Variants in DNAH5 observed in about 807,000 individuals in gnomAD.
The protein encoded by DNAH5 is axonemal beta dynein heavy chain 5.
Under a neutral mutation model 518.2 loss-of-function variants are expected in DNAH5, and 372 were observed. The ratio of observed to expected loss-of-function variants is 0.72; its 90% CI spans 0.66 to 0.78. The LOEUF (loss-of-function observed/expected upper bound fraction) is 0.78, where lower values mean the gene tolerates loss of function less well. Ranked by LOEUF, DNAH5 falls within the 30% of genes least tolerant of loss-of-function variation. The pLI, the probability that DNAH5 is intolerant of heterozygous loss-of-function variation, is 0.00. For synonymous variants in DNAH5, 2,039 were observed against 2,025.9 expected (o/e 1.01, Z -0.17); for missense variants, 5,523 against 5,687.0 (o/e 0.97, Z 0.93).
chr5:13,736,653 C>CTGACCTCAGATGATCTGCCCATG (rs1205875679), intron 66 of DNAH5, among the ~76,000 whole-genome samples: 1 of 152,154 alleles, frequency 6.6e-6, no homozygotes, highest in East Asian at 1.9e-4. Flanking sequence ...TCTCACACTC[C>CTGACCTCAGATGATCTGCCCATG]TGACCTCAGA....
chr5:13,753,689 T>C, intron 62 of DNAH5, 140 bp from the exon 63 acceptor site: 1 of 800,108 alleles, frequency 1.2e-6, no homozygotes, highest in Middle Eastern at 3.6e-4. Context: ...CACAAGTGGC[T>C]GTGCTGGTGA....
rs748817131 is a variant in DNAH5, at chr5:13,717,462, G to T, written c.12558C>A (p.Tyr4186Ter). 6.2e-7 allele frequency: 1 copy of T among 1,614,046 alleles called. No homozygotes were observed. Among genetic ancestry groups the T allele is most frequent in the African/African-American group, 1.3e-5 (1 of 74,940 alleles). ...SSGSQWKPML[Y>*]AVAFLHSTVQ... ...CAGTGGAGTGCAGGAAAGCCACTGC[G>T]TACAGCATGGGCTTCCACTGGGACC... Residue 4186 changes from tyrosine to a stop codon, truncating the protein, a stop_gained, in exon 73 of 79, where the codon TAC becomes TAA. Coordinates refer to ENST00000265104, the MANE Select transcript of DNAH5 (RefSeq NM_001369.3). LOFTEE classifies it high-confidence loss of function.
intron 59 of DNAH5, 30 bp downstream of exon 59, chr5:13,765,946 C>G: frequency 6.2e-7 from 1 of 1,605,596 alleles, no homozygotes; most frequent in Non-Finnish European, 8.5e-7. Context: ...AATGAGTTCC[C>G]TCTTAGCCCA....
intron 78 of DNAH5, among the ~76,000 whole-genome samples, chr5:13,694,823 A>G (rs1479740193): frequency 1.3e-5 from 2 of 152,230 alleles, no homozygotes; most frequent in African/African-American, 4.8e-5. Context: ...CAATCCTTTA[A>G]AAACCATGTG....
intron 58 of DNAH5, among the ~76,000 whole-genome samples, chr5:13,766,453 C>T (rs1194393674): frequency 6.6e-6 from 1 of 152,022 alleles, no homozygotes; most frequent in Non-Finnish European, 1.5e-5. Context: ...TGGCTTTGTG[C>T]CAGAAAAAAG....
intron 47 of DNAH5, among the ~76,000 whole-genome samples, chr5:13,801,027 AC>A (rs1231711832): frequency 1.3e-5 from 2 of 152,130 alleles, no homozygotes; most frequent in Non-Finnish European, 1.5e-5. Context: ...AATACAAGAA[AC>A]CTGGAGTCAT....
intron 13 of DNAH5, 134 bp downstream of exon 13, chr5:13,901,919 A>C: frequency 1.5e-6 from 1 of 681,744 alleles, no homozygotes; most frequent in Non-Finnish European, 2.5e-6. Flanking sequence ...CTTAAAAACT[A>C]TGACCTTGTG....
chr5:13,784,993 G>A (rs1231454101), intron 52 of DNAH5, among the ~76,000 whole-genome samples: 2 of 152,098 alleles, frequency 1.3e-5, no homozygotes, highest in Non-Finnish European at 2.9e-5. Context: ...ACGGGGCTGA[G>A]TGATGGTTTT....
intron 1 of DNAH5, among the ~76,000 whole-genome samples, chr5:14,010,612 T>C (rs1785049902): frequency 6.6e-6 from 1 of 152,206 alleles, no homozygotes; most frequent in Non-Finnish European, 1.5e-5. Flanking sequence ...CTAACGAGTA[T>C]GTCTTCAATA....
chr5:13,708,340 C>T lies in DNAH5; in HGVS notation c.13126-5G>A. Reference sequence around the variant, plus strand: ...CTTCTGCAGCCTCTCTTTTACCTGCCATGGAGACATTCAAAGCACATGTTA... The same window carrying T: ...CTTCTGCAGCCTCTCTTTTACCTGCTATGGAGACATTCAAAGCACATGTTA... On this transcript the variant is annotated splice_polypyrimidine_tract_variant and splice_region_variant and intron_variant, in intron 75 of 78. Transcript: ENST00000265104. 6.2e-7 allele frequency: 1 copy of T among 1,613,530 alleles called. No individual in the cohort carries two copies. The highest frequency in any genetic ancestry group is 8.5e-7 in the Non-Finnish European group (1 of 1,179,840).
rs886376710 is a variant in DNAH5 at position 13,758,951 on chromosome 5, G to A, written c.10314C>T (p.Leu3438=). The A allele has an allele frequency of 1.3e-5, 21 of 1,614,050 alleles. No homozygotes were observed. Among genetic ancestry groups the A allele is most frequent in the Non-Finnish European group, 1.7e-5 (20 of 1,180,038 alleles). The change falls in exon 61 of 79, where the codon CTC becomes CTT. Residue 3438 remains leucine, a synonymous_variant. Coordinates refer to ENST00000265104, the MANE Select transcript of DNAH5 (RefSeq NM_001369.3). ...CTTTCTGCAGATCCTGCATGGCCAG[G>A]AGATGGCGATTCTCTTGCACCACCA... The part of the protein sequence containing the change: ...ANLVVQENRH[L]LAMQDLQKAQ...
At chr5:13,714,107 T>A (rs965270110) in intron 75 of DNAH5, among the ~76,000 whole-genome samples, 3 of 152,150 alleles carry the variant, frequency 2.0e-5, no homozygotes, top group African/African-American at 7.2e-5. Context: ...CAAATGGCAA[T>A]GTAAAGTACC....
chr5:13,846,485 G>A (rs1172776169), intron 31 of DNAH5, among the ~76,000 whole-genome samples: 2 of 152,242 alleles, frequency 1.3e-5, no homozygotes, highest in South Asian at 4.1e-4. Context: ...GCATGCGTGC[G>A]GAGTGCTGGA....
At chr5:13,960,915 A>T (rs1781131993) in intron 1 of DNAH5, among the ~76,000 whole-genome samples, 1 of 152,252 alleles carries the variant, frequency 6.6e-6, no homozygotes, top group African/African-American at 2.4e-5. Context: ...TAGTTCCACA[A>T]GAAGAGAGAA....
intron 56 of DNAH5, among the ~76,000 whole-genome samples, chr5:13,770,218 G>A (rs1753147110): frequency 6.6e-6 from 1 of 152,164 alleles, no homozygotes; most frequent in African/African-American, 2.4e-5. Flanking sequence ...GCATAGGGCA[G>A]AGCAGTGACA....
chr5:13,748,519 T>C (rs1749743795), intron 65 of DNAH5, among the ~76,000 whole-genome samples: 2 of 152,302 alleles, frequency 1.3e-5, no homozygotes, highest in South Asian at 4.1e-4. Flanking sequence ...GAGCATGGAA[T>C]GTTCTTCCAT....
chr5:13,702,010 A>G (rs1742186603), intron 76 of DNAH5, among the ~76,000 whole-genome samples: 1 of 152,166 alleles, frequency 6.6e-6, no homozygotes, highest in Non-Finnish European at 1.5e-5. Flanking sequence ...ATACATTTTT[A>G]TTTCCTCTCT....
chr5:13,867,653 C>T, intron 25 of DNAH5, 121 bp downstream of exon 25: 3 of 846,720 alleles, frequency 3.5e-6, no homozygotes, highest in African/African-American at 1.7e-5. Context: ...ATAAAATTCC[C>T]ATTCCCTGGG....
At chr5:13,927,547 T>C (rs1309126999) in intron 3 of DNAH5, among the ~76,000 whole-genome samples, 1 of 151,936 alleles carries the variant, frequency 6.6e-6, no homozygotes, top group African/African-American at 2.4e-5. Flanking sequence ...AAAAAAAAGA[T>C]TTGCAAATTT....
Sources: allele counts gnomAD v4.1 joint callset (sites outside exome capture counted in the v4.1 genomes callset), GRCh38; gene constraint gnomAD v4.1.1; transcripts MANE v1.5; gene names NCBI Gene and HGNC (gene_info 2026-07-23, HGNC 2026-07-21).